The following ZNF804A variants were observed in gnomAD, a reference collection of about 807,000 sequenced individuals.
ZNF804A encodes the protein zinc finger protein 804A.
Under a neutral mutation model 16.5 loss-of-function variants are expected in ZNF804A, and 2 were observed. That is an observed-to-expected ratio of 0.12 (90% confidence interval 0.05 to 0.38). ZNF804A has a LOEUF of 0.38. ZNF804A is among the 10% of genes least tolerant of loss of function. The probability of loss-of-function intolerance (pLI) is 0.99; values close to 1 mark genes in which losing one functional copy is unlikely to be tolerated. For missense variants in ZNF804A, 1,473 were observed against 1,390.7 expected (o/e 1.06, Z -0.94); for synonymous variants, 534 against 489.6 (o/e 1.09, Z -1.20).
rs537235217 is a variant in ZNF804A at position 184,874,459 on chromosome 2, A to T, written c.255+7947A>T. On this transcript the variant is annotated intron_variant, in intron 2 of 3. Transcript: ENST00000302277. ...ATATCAAATTTTCTGCAACTGCCCT[A>T]TTACAGATATAGAAGCTGTCTTAAT... Among the ~76,000 whole-genome samples, 19 of 152,260 alleles carry T rather than the reference A, an allele frequency of 1.2e-4. No individual in the cohort carries two copies. The South Asian group carries it at 1.9e-3, about 15-fold the overall frequency.
intron 1 of ZNF804A, among the ~76,000 whole-genome samples, chr2:184,621,446 AT>A (rs1691418428): frequency 6.6e-6 from 1 of 151,726 alleles, no homozygotes; most frequent in South Asian, 2.1e-4. Context: ...TGGCTTCAGA[AT>A]TTGTGGATTT....
chr2:184,721,165 A>C (rs1693307158), intron 1 of ZNF804A, among the ~76,000 whole-genome samples: 2 of 152,126 alleles, frequency 1.3e-5, no homozygotes. Context: ...TAGGGGAAAC[A>C]CTTCTGGAAA....
chr2:184,926,225 T>C (rs571551406), intron 2 of ZNF804A, among the ~76,000 whole-genome samples: 1 of 152,188 alleles, frequency 6.6e-6, no homozygotes, highest in South Asian at 2.1e-4. Context: ...ATTGGGAAAG[T>C]TGCTATTTCT....
At chr2:184,628,564 T>C (rs1691546576) in intron 1 of ZNF804A, among the ~76,000 whole-genome samples, 1 of 152,150 alleles carries the variant, frequency 6.6e-6, no homozygotes, top group Non-Finnish European at 1.5e-5. Context: ...TTATTTTAAA[T>C]TCTTACTCAA....
intron 2 of ZNF804A, among the ~76,000 whole-genome samples, chr2:184,914,234 A>T (rs1157683453): frequency 6.6e-6 from 1 of 152,162 alleles, no homozygotes; most frequent in Non-Finnish European, 1.5e-5. Flanking sequence ...CATGCTTTTC[A>T]GTAGGAGTCC....
intron 1 of ZNF804A, among the ~76,000 whole-genome samples, chr2:184,778,579 C>T (rs185411852): frequency 6.6e-6 from 1 of 151,646 alleles, no homozygotes; most frequent in Admixed American, 6.6e-5. Context: ...TTAAACATCT[C>T]AACATTAGCC....
chr2:184,701,682 T>C (rs1692921956), intron 1 of ZNF804A, among the ~76,000 whole-genome samples: 1 of 151,946 alleles, frequency 6.6e-6, no homozygotes, highest in Non-Finnish European at 1.5e-5. Flanking sequence ...TTCTTTTTTT[T>C]CTCCAGGTTG....
At chr2:184,653,949 G>A (rs1480062998) in intron 1 of ZNF804A, among the ~76,000 whole-genome samples, 1 of 152,148 alleles carries the variant, frequency 6.6e-6, no homozygotes, top group Non-Finnish European at 1.5e-5. Flanking sequence ...AACCAGTGTG[G>A]TAACTGCCAG....
chr2:184,726,082 C>T lies in ZNF804A; in HGVS notation c.111+127012C>T, dbSNP rs949948854. 4.0e-5 allele frequency among the ~76,000 whole-genome samples: 6 copies of T among 151,648 alleles called. No homozygotes were observed. In the South Asian group the frequency reaches 6.2e-4, roughly 16 times the overall value. On this transcript the variant is annotated intron_variant, in intron 1 of 3. Coordinates refer to ENST00000302277, the MANE Select transcript of ZNF804A (RefSeq NM_194250.2). The stretch of plus-strand genomic sequence containing the variant: ...CAGTTTGGGGCTACTGCAAATGAAA[C>T]GGCTATGAACAATAATATACATGCT...
Position 184,696,920 on chromosome 2 carries a change from C to T in ZNF804A, c.111+97850C>T, listed in dbSNP as rs187027945. ...TTTAAAAATGTAGAAACAAATGTAA[C>T]GAAAAAAAATCACCCAGAAGCCCAC... On this transcript the variant is annotated intron_variant, in intron 1 of 3. Coordinates refer to ENST00000302277, the MANE Select transcript of ZNF804A (RefSeq NM_194250.2). 4.2e-4 allele frequency among the ~76,000 whole-genome samples: 64 copies of T among 150,954 alleles called. 1 individual carries two copies. In the East Asian group the frequency reaches 8.6e-3, roughly 20 times the overall value.
intron 1 of ZNF804A, among the ~76,000 whole-genome samples, chr2:184,758,410 A>G (rs1693990849): frequency 6.6e-6 from 1 of 151,930 alleles, no homozygotes; most frequent in African/African-American, 2.4e-5. Context: ...ACATGAATTT[A>G]CTAGTTTAAT....
Position 184,937,565 on chromosome 2 carries a change from T to C in ZNF804A, c.2169T>C (p.Cys723=). 2 of 1,612,238 alleles carry C rather than the reference T, an allele frequency of 1.2e-6. No homozygotes were observed. Among genetic ancestry groups the C allele is most frequent in the Non-Finnish European group, 1.7e-6 (2 of 1,179,512 alleles). ...KHNLTYSRTY[C]CWKTKMSSCS... is the part of the protein sequence containing the mutation. ...ATTTAACATATTCTAGAACTTACTG[T>C]TGTTGGAAAACCAAAATGTCAAGCT... is the stretch of plus-strand genomic sequence containing the variant. Residue 723 remains cysteine (C), a synonymous_variant, in exon 4 of 4, where the codon TGT becomes TGC. Coordinates refer to ENST00000302277, the MANE Select transcript of ZNF804A (RefSeq NM_194250.2).
At chr2:184,818,245 G>T (rs1695013974) in intron 1 of ZNF804A, among the ~76,000 whole-genome samples, 1 of 151,944 alleles carries the variant, frequency 6.6e-6, no homozygotes, top group South Asian at 2.1e-4. Context: ...GAGACTGGGG[G>T]CTAATATTCA....
intron 2 of ZNF804A, among the ~76,000 whole-genome samples, chr2:184,915,611 G>A (rs1166839942): frequency 1.3e-5 from 2 of 152,080 alleles, no homozygotes; most frequent in African/African-American, 4.8e-5. Context: ...TTCTGATCCA[G>A]CACTTAAGAA....
chr2:184,811,715 C>T (rs536037420), intron 1 of ZNF804A, among the ~76,000 whole-genome samples: 2 of 152,030 alleles, frequency 1.3e-5, no homozygotes, highest in African/African-American at 4.8e-5. Flanking sequence ...CATAGTGAGA[C>T]ACTATCTCCA....
At chr2:184,787,327 G>A (rs1287517097) in intron 1 of ZNF804A, among the ~76,000 whole-genome samples, 1 of 151,794 alleles carries the variant, frequency 6.6e-6, no homozygotes, top group African/African-American at 2.4e-5. Context: ...ATAACTGCAG[G>A]TGTCTCTTTT....
chr2:184,635,385 C>A (rs1691679136), intron 1 of ZNF804A, among the ~76,000 whole-genome samples: 1 of 152,080 alleles, frequency 6.6e-6, no homozygotes, highest in African/African-American at 2.4e-5. Flanking sequence ...ATTTAGAAGT[C>A]ATTAAGCACT....
At chr2:184,833,926 A>C (rs1695304334) in intron 1 of ZNF804A, among the ~76,000 whole-genome samples, 1 of 152,092 alleles carries the variant, frequency 6.6e-6, no homozygotes, top group Non-Finnish European at 1.5e-5. Flanking sequence ...TAATACTGTG[A>C]AAAGCATATG....
At chr2:184,799,739 T>C (rs1057329486) in intron 1 of ZNF804A, among the ~76,000 whole-genome samples, 1 of 152,118 alleles carries the variant, frequency 6.6e-6, no homozygotes, top group Non-Finnish European at 1.5e-5. Context: ...GATAAGGTTT[T>C]GCCATGTTGC....
Sources: gnomAD v4.1 joint callset for allele counts (sites outside exome capture counted in the v4.1 genomes callset) on GRCh38, gnomAD v4.1.1 for gene constraint, MANE v1.5 for transcripts, NCBI Gene and HGNC (gene_info 2026-07-23, HGNC 2026-07-21) for gene names.